The following SAMD3 variants were observed in gnomAD, a reference collection of about 807,000 sequenced individuals.
The protein encoded by SAMD3 is sterile alpha motif domain containing 3, also known as sterile alpha motif domain-containing protein 3.
A neutral mutation model predicts 58.5 loss-of-function variants in SAMD3; 63 were observed. That is an observed-to-expected ratio of 1.08 (90% confidence interval 0.88 to 1.33). The LOEUF (loss-of-function observed/expected upper bound fraction) is 1.33. SAMD3 is among the 40% of genes most tolerant of loss of function. The probability of loss-of-function intolerance (pLI) is 0.00; values close to 1 mark genes in which losing one functional copy is unlikely to be tolerated. For synonymous variants in SAMD3, 220 were observed against 210.3 expected, an observed-to-expected ratio of 1.05 and a Z score of -0.40; for missense variants, 604 against 608.4, an observed-to-expected ratio of 0.99 and a Z score of 0.08.
chr6:130,347,039 C>T (rs538438659), intron 1 of SAMD3, among the ~76,000 whole-genome samples: 1 of 152,288 alleles, frequency 6.6e-6, no homozygotes, highest in South Asian at 2.1e-4. Context: ...AGAAGGAAAA[C>T]TAATAAACAG....
At chr6:130,253,748 A>ATT (rs141419532) in intron 2 of SAMD3, among the ~76,000 whole-genome samples, 3,356 of 150,618 alleles carry the variant, frequency 0.022, 48 homozygotes, top group Non-Finnish European at 0.029. Context: ...TAAAATTATT[A>ATT]TTTTTTTTTG....
chr6:130,185,396 T>C (rs938089864), intron 5 of SAMD3, among the ~76,000 whole-genome samples: 16 of 152,112 alleles, frequency 1.1e-4, no homozygotes, highest in Non-Finnish European at 1.9e-4. Flanking sequence ...TGGCACGATC[T>C]CAGCTCACTG....
intron 8 of SAMD3, among the ~76,000 whole-genome samples, chr6:130,167,021 C>T (rs1790791634): frequency 6.6e-6 from 1 of 151,996 alleles, no homozygotes; most frequent in Non-Finnish European, 1.5e-5. Flanking sequence ...AAAGAAAGGA[C>T]ACATAGCTTC....
intron 1 of SAMD3, among the ~76,000 whole-genome samples, chr6:130,341,548 G>T (rs1349041476): frequency 1.3e-5 from 2 of 152,186 alleles, no homozygotes; most frequent in Non-Finnish European, 2.9e-5. Context: ...ATATAAAGGT[G>T]AAAGAAAATA....
At chr6:130,354,763 C>T (rs935880665) in intron 1 of SAMD3, among the ~76,000 whole-genome samples, 1 of 152,076 alleles carries the variant, frequency 6.6e-6, no homozygotes, top group African/African-American at 2.4e-5. Flanking sequence ...ACGAATTTAC[C>T]TATATAACAA....
intron 1 of SAMD3, among the ~76,000 whole-genome samples, chr6:130,346,319 T>C (rs1777449317): frequency 6.6e-6 from 1 of 152,190 alleles, no homozygotes; most frequent in East Asian, 1.9e-4. Flanking sequence ...TTCCCTTTCC[T>C]AGTCAAAGAA....
intron 5 of SAMD3, among the ~76,000 whole-genome samples, chr6:130,185,259 G>A (rs1792827221): frequency 6.6e-6 from 1 of 152,188 alleles, no homozygotes; most frequent in African/African-American, 2.4e-5. Flanking sequence ...AAAATGGGTA[G>A]TGATTATTTG....
intron 1 of SAMD3, among the ~76,000 whole-genome samples, chr6:130,336,588 C>T (rs1777107544): frequency 6.6e-6 from 1 of 152,200 alleles, no homozygotes; most frequent in Non-Finnish European, 1.5e-5. Flanking sequence ...AAGCAATCAC[C>T]TGTTCATATG....
At chr6:130,281,477 T>G (rs1333191259) in intron 2 of SAMD3, among the ~76,000 whole-genome samples, 1 of 152,124 alleles carries the variant, frequency 6.6e-6, no homozygotes, top group African/African-American at 2.4e-5. Flanking sequence ...TGTGAATGAA[T>G]GCAATGTCCT....
chr6:130,158,777 G>A (rs1377290729), intron 8 of SAMD3, among the ~76,000 whole-genome samples: 2 of 152,310 alleles, frequency 1.3e-5, no homozygotes, highest in South Asian at 4.1e-4. Context: ...CTGCTCAAGA[G>A]AATTTTCTGG....
At chr6:130,240,475 T>G (rs1458820487) in intron 2 of SAMD3, among the ~76,000 whole-genome samples, 1 of 152,202 alleles carries the variant, frequency 6.6e-6, no homozygotes, top group Non-Finnish European at 1.5e-5. Flanking sequence ...TCCTATTAAA[T>G]TATTGGCTCT....
At chr6:130,262,303 A>G (rs1319275833) in intron 2 of SAMD3, among the ~76,000 whole-genome samples, 1 of 151,138 alleles carries the variant, frequency 6.6e-6, no homozygotes, top group Non-Finnish European at 1.5e-5. Context: ...AACAGAAAAA[A>G]AGTAAGAAAA....
intron 1 of SAMD3, among the ~76,000 whole-genome samples, chr6:130,360,270 T>C (rs191928714): frequency 6.6e-6 from 1 of 152,248 alleles, no homozygotes; most frequent in Admixed American, 6.5e-5. Flanking sequence ...CGTTTTCTCA[T>C]GTTCCAAAAG....
intron 2 of SAMD3, among the ~76,000 whole-genome samples, chr6:130,262,981 T>C (rs1774196275): frequency 6.6e-6 from 1 of 152,150 alleles, no homozygotes; most frequent in Admixed American, 6.5e-5. Context: ...TTAAAAAGAA[T>C]CTATAAAATC....
At chr6:130,213,630 C>T (rs1795766697) in intron 4 of SAMD3, among the ~76,000 whole-genome samples, 1 of 152,012 alleles carries the variant, frequency 6.6e-6, no homozygotes, top group South Asian at 2.1e-4. Flanking sequence ...CTGAAATGAT[C>T]CCAGGGCATA....
chr6:130,221,732 C>CT (rs1334639346), intron 1 of SAMD3: 1 of 152,170 alleles, frequency 6.6e-6, no homozygotes, highest in Non-Finnish European at 1.5e-5. Context: ...GTCTTGCTGT[C>CT]TCAGGGGTGG....
intron 2 of SAMD3, among the ~76,000 whole-genome samples, chr6:130,248,747 G>A (rs930446542): frequency 6.6e-6 from 1 of 152,154 alleles, no homozygotes; most frequent in Non-Finnish European, 1.5e-5. Flanking sequence ...CTCTCCTTGA[G>A]GGTAGAAGGA....
intron 2 of SAMD3, among the ~76,000 whole-genome samples, chr6:130,233,280 C>T (rs976025003): frequency 1.3e-5 from 2 of 152,120 alleles, no homozygotes; most frequent in African/African-American, 4.8e-5. Flanking sequence ...ACTTTAAGTT[C>T]TGGGATACAT....
At chr6:130,335,463 C>T (rs1463363291) in intron 1 of SAMD3, among the ~76,000 whole-genome samples, 2 of 152,186 alleles carry the variant, frequency 1.3e-5, no homozygotes, top group Non-Finnish European at 2.9e-5. Context: ...GCTATAGATA[C>T]AAACAAGTCA....
Sources: allele counts gnomAD v4.1 joint callset (sites outside exome capture counted in the v4.1 genomes callset), GRCh38; gene constraint gnomAD v4.1.1; transcripts MANE v1.5; gene names NCBI Gene and HGNC (gene_info 2026-07-23, HGNC 2026-07-21).